Variants in PCDHA9 observed in about 807,000 individuals in gnomAD.
PCDHA9 encodes the protein protocadherin alpha-9.
A neutral mutation model predicts 62.0 loss-of-function variants in PCDHA9; 62 were observed. The ratio of observed to expected loss-of-function variants is 1.00; its 90% CI spans 0.81 to 1.23. PCDHA9 has a LOEUF of 1.23. PCDHA9 is among the 50% of genes most tolerant of loss of function. The probability of loss-of-function intolerance (pLI) is 0.00; values close to 1 mark genes in which losing one functional copy is unlikely to be tolerated. For synonymous variants in PCDHA9, 557 were observed against 567.6 expected (o/e 0.98, Z 0.27); for missense variants, 1,205 against 1,249.8 (o/e 0.96, Z 0.54).
intron 1 of PCDHA9, among the ~76,000 whole-genome samples, chr5:140,916,847 C>T (rs1276107761): frequency 1.3e-5 from 2 of 152,116 alleles, no homozygotes; most frequent in Non-Finnish European, 2.9e-5. Flanking sequence ...GAGCCCAGCC[C>T]AGCACTAGGA....
intron 1 of PCDHA9, chr5:140,884,640 A>G: frequency 6.2e-7 from 1 of 1,610,250 alleles, no homozygotes; most frequent in East Asian, 2.2e-5. Context: ...CAGAGGGAGG[A>G]GGACTCAGAA....
intron 1 of PCDHA9, chr5:140,927,371 G>GCTACAGCCTAAGCC: frequency 6.2e-7 from 1 of 1,614,080 alleles, no homozygotes; most frequent in Non-Finnish European, 8.5e-7. Context: ...GGGATACTAA[G>GCTACAGCCTAAGCC]CTACAGCCTA....
chr5:140,876,984 G>C (rs2056761931), intron 1 of PCDHA9: 9 of 1,612,672 alleles, frequency 5.6e-6, no homozygotes, highest in African/African-American at 1.3e-5. Flanking sequence ...AGCACGCACT[G>C]TCGAGCTACG....
intron 3 of PCDHA9, among the ~76,000 whole-genome samples, chr5:141,001,540 G>A (rs1318714170): frequency 6.6e-6 from 1 of 152,174 alleles, no homozygotes; most frequent in African/African-American, 2.4e-5. Flanking sequence ...TCCTGGACAG[G>A]ATTTGGGTTT....
intron 2 of PCDHA9, among the ~76,000 whole-genome samples, chr5:140,980,159 A>G (rs2153821002): frequency 6.6e-6 from 1 of 152,326 alleles, no homozygotes; most frequent in Admixed American, 6.5e-5. Context: ...ATACCAGAAT[A>G]TTAGGTATCA....
chr5:140,876,031 G>C, intron 1 of PCDHA9: 2 of 1,613,702 alleles, frequency 1.2e-6, no homozygotes, highest in Non-Finnish European at 1.7e-6. Flanking sequence ...AACAAAAAAA[G>C]ATAAAAGTAT....
intron 1 of PCDHA9, among the ~76,000 whole-genome samples, chr5:140,900,724 C>T (rs552317505): frequency 2.0e-5 from 3 of 152,296 alleles, no homozygotes; most frequent in Admixed American, 1.3e-4. Flanking sequence ...GAAATCCTAC[C>T]TAGCAGTGGG....
intron 1 of PCDHA9, chr5:140,851,252 G>A: frequency 9.2e-7 from 1 of 1,089,164 alleles, no homozygotes; most frequent in Non-Finnish European, 1.2e-6. Flanking sequence ...ATGATGCATA[G>A]TATTTTAGTC....
rs1554262759 is a variant in PCDHA9 at position 141,010,215 on chromosome 5, G to A, written c.*278G>A. ...CCTTTCTCCTCCGCCGCAAAGGAGA[G>A]GCTTCCCAGCCCCGCCAGTGAGAGG... On this transcript the variant is annotated 3_prime_UTR_variant, in exon 4 of 4. Transcript: ENST00000532602. The A allele has an allele frequency of 6.4e-7, 1 of 1,551,774 alleles. No homozygotes were observed. Among genetic ancestry groups the A allele is most frequent in the East Asian group, 2.4e-5 (1 of 40,918 alleles).
chr5:140,859,139 T>G (rs2045740585), intron 1 of PCDHA9: 1 of 150,214 alleles, frequency 6.7e-6, no homozygotes, highest in African/African-American at 2.4e-5. Context: ...TTACATAATT[T>G]TATCCAGTAG....
At chr5:140,947,027 A>G (rs554018076) in intron 1 of PCDHA9, among the ~76,000 whole-genome samples, 2 of 151,820 alleles carry the variant, frequency 1.3e-5, no homozygotes, top group African/African-American at 2.4e-5. Context: ...GAGGTAATGG[A>G]TATACTAATT....
intron 1 of PCDHA9, chr5:140,855,886 A>C: frequency 1.0e-6 from 1 of 980,916 alleles, no homozygotes; most frequent in Non-Finnish European, 1.5e-6. Context: ...GCTTTTTAGA[A>C]CAAAGGCATC....
At position 140,968,170 on chromosome 5, in the gene PCDHA9, C is replaced by T. The variant is rs1554230457; in HGVS notation, c.2395-10779C>T. 3 of 1,614,132 alleles carry T rather than the reference C, an allele frequency of 1.9e-6. No homozygotes were observed. In the South Asian group the frequency reaches 3.3e-5, roughly 18 times the overall value. On this transcript the variant is annotated intron_variant, in intron 1 of 3. Transcript: ENST00000532602. ...CTGACATCAATGACAATCCACCAAG[C>T]TTCCTGGAGGACTCCTATTCCATCT...
rs149711844 is a variant in PCDHA9 at position 140,884,286 on chromosome 5, G to T, written c.2394+33397G>T. On this transcript the variant is annotated intron_variant, in intron 1 of 3. Coordinates refer to ENST00000532602, the MANE Select transcript of PCDHA9 (RefSeq NM_031857.2). ...GTGCTGTTGTCGCTGGTGGAGAGCG[G>T]CCAAGCGCCACAGGCTTCGTCGAGG... 1.6e-4 allele frequency: 258 copies of T among 1,613,626 alleles called. No individual in the cohort carries two copies. The highest frequency in any genetic ancestry group is 2.1e-4 in the Non-Finnish European group (242 of 1,179,820).
At position 141,012,226 on chromosome 5, in the gene PCDHA9, A is replaced by G. The variant is rs1021307000; in HGVS notation, c.*2289A>G. Reference sequence around the variant, plus strand: ...TTTTACATTTGCGAAGTGCTTTCCAATCCATGTTAGTTACTAGTTATTACA... The same window carrying G: ...TTTTACATTTGCGAAGTGCTTTCCAGTCCATGTTAGTTACTAGTTATTACA... On this transcript the variant is annotated 3_prime_UTR_variant, in exon 4 of 4. Transcript: ENST00000532602. The G allele has an allele frequency of 2.6e-5, 4 of 153,758 alleles. No individual in the cohort carries two copies. Among genetic ancestry groups the G allele is most frequent in the African/African-American group, 9.7e-5 (4 of 41,442 alleles). 9.5% of individuals were successfully genotyped at this position (153,758 alleles called of 1,614,324 possible). A position where few individuals can be genotyped will look rare whatever the true frequency, so the allele number is the denominator to read the frequency against.
chr5:140,946,080 A>T lies in PCDHA9; in HGVS notation c.2395-32869A>T, dbSNP rs74501731. ...GGGAGAAAATATTTGCAAACCACAG[A>T]TCTGATAAGGAGTTAACATACCAAA... On this transcript the variant is annotated intron_variant, in intron 1 of 3. Coordinates refer to ENST00000532602, the MANE Select transcript of PCDHA9 (RefSeq NM_031857.2). Among the ~76,000 whole-genome samples, 867 of 152,226 alleles carry T rather than the reference A, an allele frequency of 5.7e-3. 6 individuals carry two copies. Among genetic ancestry groups the T allele is most frequent in the African/African-American group, 0.02 (843 of 41,572 alleles).
At chr5:140,862,549 C>T in intron 1 of PCDHA9, 3 of 457,652 alleles carry the variant, frequency 6.6e-6, no homozygotes, top group South Asian at 5.1e-5. Context: ...TGGAAGTGGC[C>T]GAACAGTGAA....
At position 140,854,099 on chromosome 5, in the gene PCDHA9, C is replaced by T. The variant is rs139574544; in HGVS notation, c.2394+3210C>T. 48 of 268,552 alleles carry T rather than the reference C, an allele frequency of 1.8e-4. 2 individuals are homozygous for T. Among genetic ancestry groups the T allele is most frequent in the African/African-American group, 8.8e-4 (36 of 40,902 alleles). 16.6% of individuals were successfully genotyped at this position (268,552 alleles called of 1,614,324 possible). The stretch of plus-strand genomic sequence containing the variant: ...ATCGCTTGAGCCTGGGACATTGAGG[C>T]TGCAGTGAACTGTGATGGCACAACT... On this transcript the variant is annotated intron_variant, in intron 1 of 3. Transcript: ENST00000532602.
At position 140,876,499 on chromosome 5, in the gene PCDHA9, G is replaced by A. The variant is rs781995151; in HGVS notation, c.2394+25610G>A. ...CATGGTCCTGGTGGAAGTTCTGGAC[G>A]TGAATGACAATGTCCCTGAAGTAAT... On this transcript the variant is annotated intron_variant, in intron 1 of 3. Transcript: ENST00000532602. 5.0e-6 allele frequency: 8 copies of A among 1,613,910 alleles called. No homozygotes were observed. The Admixed American group carries it at 1.0e-4, about 20-fold the overall frequency.
Sources: allele counts gnomAD v4.1 joint callset (sites outside exome capture counted in the v4.1 genomes callset), GRCh38; gene constraint gnomAD v4.1.1; transcripts MANE v1.5; gene names NCBI Gene and HGNC (gene_info 2026-07-23, HGNC 2026-07-21).